The following AGO2 variants were observed in gnomAD, a reference collection of about 807,000 sequenced individuals.
The protein encoded by AGO2 is argonaute RISC catalytic component 2.
AGO2 carries 5 observed loss-of-function variants against 102.3 expected under a neutral mutation model. That is an observed-to-expected ratio of 0.05 (90% CI 0.03 to 0.10). The LOEUF (loss-of-function observed/expected upper bound fraction) is 0.10. Among genes scored for constraint, AGO2 ranks in the 10% least tolerant of loss-of-function variants. The pLI is 1.00. For missense variants in AGO2, 541 were observed against 1,183.7 expected, an observed-to-expected ratio of 0.46 and a Z score of 7.97; for synonymous variants, 449 against 473.1, an observed-to-expected ratio of 0.95 and a Z score of 0.66.
chr8:140,537,437 G>A (rs542455416), intron 16 of AGO2, among the ~76,000 whole-genome samples: 1 of 152,154 alleles, frequency 6.6e-6, no homozygotes, highest in East Asian at 1.9e-4. Context: ...GAGTAGCTGG[G>A]ACCATAGGCG....
chr8:140,613,607 G>A (rs1678728416), intron 1 of AGO2, among the ~76,000 whole-genome samples: 1 of 152,174 alleles, frequency 6.6e-6, no homozygotes. Context: ...TAAAAACACA[G>A]CAGCCCTGCC....
At chr8:140,605,823 A>C (rs959523117) in intron 1 of AGO2, 2 of 152,270 alleles carry the variant, frequency 1.3e-5, no homozygotes, top group African/African-American at 4.8e-5. Context: ...GAACTGGCCC[A>C]GGGGCCAGGT....
rs1283915278 is a variant in AGO2, at chr8:140,540,332, G to A, written c.2034+832C>T. 2.6e-5 allele frequency among the ~76,000 whole-genome samples: 4 copies of A among 152,166 alleles called. No individual in the cohort carries two copies. Among genetic ancestry groups the A allele is most frequent in the Non-Finnish European group, 5.9e-5 (4 of 68,028 alleles). ...CCTAAGCTCCTGGGGCAGCCACGGA[G>A]GATGTCTTCCCACCCCACTGGGTGG... On this transcript the variant is annotated intron_variant, in intron 15 of 18. Transcript: ENST00000220592. The surrounding 1 kb of genome is among the most constrained non-coding windows in gnomAD (Gnocchi z 5.0).
upstream of AGO2, among the ~76,000 whole-genome samples, chr8:140,639,989 T>C (rs2152114653): frequency 6.6e-6 from 1 of 151,256 alleles, no homozygotes; most frequent in African/African-American, 2.4e-5. Flanking sequence ...GCCCTCTGTT[T>C]CCTCTCAAGT....
intron 1 of AGO2, 138 bp downstream of exon 1, chr8:140,635,347 G>T: frequency 1.9e-6 from 1 of 527,758 alleles, no homozygotes; most frequent in Non-Finnish European, 2.4e-6. Context: ...GCGCGGCCCC[G>T]GCTCGCCCGC....
At chr8:140,590,965 C>CCACTGCTCCCTGGCTGCAT (rs2073738835) in intron 1 of AGO2, among the ~76,000 whole-genome samples, 1 of 152,196 alleles carries the variant, frequency 6.6e-6, no homozygotes, top group South Asian at 2.1e-4. Flanking sequence ...TAGCCATCCA[C>CCACTGCTCCCTGGCTGCAT]CACTGCTCCC....
intron 1 of AGO2, among the ~76,000 whole-genome samples, chr8:140,621,020 T>G (rs2074210897): frequency 6.6e-6 from 1 of 152,138 alleles, no homozygotes; most frequent in Non-Finnish European, 1.5e-5. Context: ...TCAAGCGATC[T>G]CCCTGCCTCC....
At position 140,525,628 on chromosome 8, in the gene AGO2, C is replaced by CG. The variant is rs1186406334; in HGVS notation, c.*6415dup. The CG allele has an allele frequency of 6.6e-6, 1 of 152,218 alleles. No homozygotes were observed. Among genetic ancestry groups the CG allele is most frequent in the Non-Finnish European group, 1.5e-5 (1 of 68,086 alleles). The allele number at this position is 152,218 out of a possible 1,614,324, so 9.4% of individuals were successfully genotyped here. A position where few individuals can be genotyped will look rare whatever the true frequency, so the allele number is the denominator to read the frequency against. The stretch of plus-strand genomic sequence containing the variant: ...CCAGGTAGTGACGTAGTAGAACCGC[C>CG]GGGGCCAAACTCAATGTCTGATGAG... On this transcript the variant is annotated 3_prime_UTR_variant, in exon 19 of 19. Coordinates refer to ENST00000220592, the MANE Select transcript of AGO2 (RefSeq NM_012154.5).
chr8:140,610,615 T>C (rs1375401838), intron 1 of AGO2, among the ~76,000 whole-genome samples: 2 of 152,218 alleles, frequency 1.3e-5, no homozygotes, highest in Non-Finnish European at 1.5e-5. Context: ...GAAAGCGGCC[T>C]ATTTTCACCA....
At chr8:140,552,103 C>T (rs2132914375) in intron 10 of AGO2, among the ~76,000 whole-genome samples, 1 of 152,324 alleles carries the variant, frequency 6.6e-6, no homozygotes, top group Middle Eastern at 3.4e-3. Flanking sequence ...ACAGGCCTTG[C>T]CATGCTACAG....
rs2073114087 is a variant in AGO2 at position 140,557,313 on chromosome 8, C to T, written c.879-77G>A. 2.6e-6 allele frequency: 4 copies of T among 1,510,672 alleles called. No homozygotes were observed. The highest frequency in any genetic ancestry group is 2.7e-6 in the Non-Finnish European group (3 of 1,127,452). 93.6% of individuals were successfully genotyped at this position (1,510,672 alleles called of 1,614,324 possible). A position where few individuals can be genotyped will look rare whatever the true frequency, so the allele number is the denominator to read the frequency against. ...CTGCGCTGCTTTTCATTTGCGTTTG[C>T]TTTTTAGGGTGACGTGTGAGGAGCA... On this transcript the variant is annotated intron_variant, in intron 7 of 18. Coordinates refer to ENST00000220592, the MANE Select transcript of AGO2 (RefSeq NM_012154.5). This position sits in a 1 kb window ranked among gnomAD's most constrained non-coding sequence, Gnocchi z 5.9.
rs189285272 is a variant in AGO2, at chr8:140,589,271, C to A, written c.23-3960G>T. ...TTCCCCGCAGACGTGTACCCTGAGG[C>A]GGGGAGAGCAGCTGCAGAAATTCAG... On this transcript the variant is annotated intron_variant, in intron 1 of 18. Transcript: ENST00000220592. The surrounding 1 kb of genome is among the most constrained non-coding windows in gnomAD (Gnocchi z 4.2). Among the ~76,000 whole-genome samples the A allele has an allele frequency of 6.0e-4, 92 of 152,226 alleles. No individual in the cohort carries two copies. The highest frequency in any genetic ancestry group is 7.8e-4 in the Non-Finnish European group (53 of 68,018).
intron 1 of AGO2, among the ~76,000 whole-genome samples, chr8:140,600,200 G>C (rs151282384): frequency 6.6e-6 from 1 of 152,372 alleles, no homozygotes; most frequent in Non-Finnish European, 1.5e-5. Flanking sequence ...TTTTTACAAA[G>C]ATGTCATTTA....
intron 1 of AGO2, among the ~76,000 whole-genome samples, chr8:140,606,978 G>A (rs11778515): frequency 2.0e-5 from 3 of 151,210 alleles, no homozygotes; most frequent in Non-Finnish European, 2.9e-5. Flanking sequence ...GGCCAGGCAT[G>A]GTGGCTCACG....
chr8:140,547,317 T>C lies in AGO2; in HGVS notation c.1748+151A>G, dbSNP rs1025166738. The C allele has an allele frequency of 4.8e-5, 48 of 999,120 alleles. 1 individual carries two copies. Among genetic ancestry groups the C allele is most frequent in the South Asian group, 1.8e-4 (10 of 56,740 alleles). 61.9% of individuals were successfully genotyped at this position (999,120 alleles called of 1,614,324 possible). The stretch of plus-strand genomic sequence containing the variant: ...AGCAGAGCGTGAGCAGCCAGATCTA[T>C]GTCTGACATCTTTGCTCTGCTGTGG... On this transcript the variant is annotated intron_variant, in intron 13 of 18. Transcript: ENST00000220592.
Position 140,556,026 on chromosome 8 carries a change from A to T in AGO2, c.1147-8T>A. 6.2e-7 allele frequency: 1 copy of T among 1,614,118 alleles called. No individual in the cohort carries two copies. Among genetic ancestry groups the T allele is most frequent in the Non-Finnish European group, 8.5e-7 (1 of 1,179,958 alleles). On this transcript the variant is annotated splice_polypyrimidine_tract_variant and splice_region_variant and intron_variant, in intron 9 of 18. Coordinates refer to ENST00000220592, the MANE Select transcript of AGO2 (RefSeq NM_012154.5). Reference sequence around the variant, plus strand: ...GAAACTTGCACTTCGCATCTGGCAAAGGGAAACAAGAAAACGCACGGAGTG... The same window carrying T: ...GAAACTTGCACTTCGCATCTGGCAATGGGAAACAAGAAAACGCACGGAGTG...
chr8:140,612,728 G>A (rs1204314624), intron 1 of AGO2, among the ~76,000 whole-genome samples: 1 of 151,876 alleles, frequency 6.6e-6, no homozygotes, highest in Non-Finnish European at 1.5e-5. Flanking sequence ...CTCCAGCCTG[G>A]GCAACAAGAC....
intron 14 of AGO2, among the ~76,000 whole-genome samples, chr8:140,543,801 T>C (rs967433662): frequency 5.3e-5 from 8 of 152,226 alleles, no homozygotes; most frequent in African/African-American, 1.9e-4. Context: ...ATTAAGCTCA[T>C]TGTGCAAGAG....
intron 1 of AGO2, among the ~76,000 whole-genome samples, chr8:140,608,024 T>C (rs1417873337): frequency 6.6e-6 from 1 of 152,208 alleles, no homozygotes; most frequent in Admixed American, 6.5e-5. Context: ...AACTGATACC[T>C]TCCCCTGTGG....
Sources: allele counts gnomAD v4.1 joint callset (sites outside exome capture counted in the v4.1 genomes callset), GRCh38; gene constraint gnomAD v4.1.1; non-coding constraint Gnocchi (gnomAD v3.1); transcripts MANE v1.5; gene names NCBI Gene and HGNC (gene_info 2026-07-23, HGNC 2026-07-21).